FAM167A: variants seen among roughly 807,000 people sequenced by gnomAD.
FAM167A encodes protein FAM167A.
FAM167A carries 23 observed loss-of-function variants against 14.9 expected under a neutral mutation model. The observed-to-expected ratio is 1.55, with a 90% CI of 1.11 to 2.19. The LOEUF is 2.19. FAM167A is among the 30% of genes most tolerant of loss of function. The pLI is 0.00. For synonymous variants in FAM167A, 174 were observed against 117.7 expected, an observed-to-expected ratio of 1.48 and a Z score of -3.10; for missense variants, 401 against 281.5, an observed-to-expected ratio of 1.42 and a Z score of -3.04.
intron 1 of FAM167A, among the ~76,000 whole-genome samples, chr8:11,464,521 C>A (rs1433333931): frequency 1.3e-5 from 2 of 152,204 alleles, no homozygotes; most frequent in Non-Finnish European, 2.9e-5. Flanking sequence ...CTTTTCCTTC[C>A]TGTCTCCACA....
chr8:11,445,453 G>A, intron 1 of FAM167A: 1 of 985,880 alleles, frequency 1.0e-6, no homozygotes, highest in Non-Finnish European at 1.2e-6. Flanking sequence ...AAATAAACCT[G>A]CAGCTGTGGA....
intron 1 of FAM167A, chr8:11,445,376 TTACTCTACGCTCC>T: frequency 1.0e-6 from 1 of 986,092 alleles, no homozygotes. Flanking sequence ...CATCCAGGTC[TTACTCTACGCTCC>T]TAGCTTCTTC....
chr8:11,443,811 G>C, intron 2 of FAM167A: 1 of 576,402 alleles, frequency 1.7e-6, no homozygotes, highest in Non-Finnish European at 3.0e-6. Context: ...CTTCATTAGT[G>C]TCTGCAATTA....
At chr8:11,461,374 G>A (rs1807531421) in intron 1 of FAM167A, among the ~76,000 whole-genome samples, 2 of 152,272 alleles carry the variant, frequency 1.3e-5, no homozygotes. Context: ...ATGCCCAGAC[G>A]GGCTAAGGCA....
chr8:11,436,100 C>T (rs1805988588), intron 2 of FAM167A, among the ~76,000 whole-genome samples: 1 of 152,232 alleles, frequency 6.6e-6, no homozygotes, highest in Non-Finnish European at 1.5e-5. Context: ...TCGCTGACAA[C>T]TGTACTGCCT....
At chr8:11,453,996 G>C (rs1440717875) in intron 1 of FAM167A, among the ~76,000 whole-genome samples, 1 of 152,218 alleles carries the variant, frequency 6.6e-6, no homozygotes, top group Non-Finnish European at 1.5e-5. Flanking sequence ...TATCTGGCAG[G>C]ACTAGCTATC....
chr8:11,440,598 G>A (rs1318809910), intron 2 of FAM167A, among the ~76,000 whole-genome samples: 1 of 152,228 alleles, frequency 6.6e-6, no homozygotes, highest in East Asian at 1.9e-4. Context: ...TCCTGGGAGA[G>A]CTGCTAGGTG....
intron 1 of FAM167A, among the ~76,000 whole-genome samples, chr8:11,462,148 G>T (rs1303692070): frequency 6.6e-6 from 1 of 152,252 alleles, no homozygotes; most frequent in African/African-American, 2.4e-5. Flanking sequence ...AGCTTGCGCT[G>T]GAGGTACTTG....
At chr8:11,449,182 A>T (rs1405658319) in intron 1 of FAM167A, among the ~76,000 whole-genome samples, 1 of 152,240 alleles carries the variant, frequency 6.6e-6, no homozygotes, top group Non-Finnish European at 1.5e-5. Context: ...TTTGGGGAGC[A>T]CTGTCCCCCT....
chr8:11,469,983 A>C (rs1374564120), upstream of FAM167A, among the ~76,000 whole-genome samples: 1 of 152,260 alleles, frequency 6.6e-6, no homozygotes, highest in Non-Finnish European at 1.5e-5. Context: ...TCATCTGTTC[A>C]ATAAATACGT....
intron 1 of FAM167A, among the ~76,000 whole-genome samples, chr8:11,448,695 C>T (rs1314297337): frequency 6.6e-6 from 1 of 152,234 alleles, no homozygotes; most frequent in Non-Finnish European, 1.5e-5. Context: ...CTTACTAAAA[C>T]CATTCCATGC....
chr8:11,448,125 C>A (rs896159989), intron 1 of FAM167A, among the ~76,000 whole-genome samples: 12 of 150,556 alleles, frequency 8.0e-5, no homozygotes, highest in Non-Finnish European at 1.8e-4. Context: ...AACCAGGAGG[C>A]AGAGGTTGCA....
chr8:11,421,915 G>T lies in FAM167A; in HGVS notation c.*2458C>A, dbSNP rs766345117. On this transcript the variant is annotated 3_prime_UTR_variant, in exon 3 of 3. Transcript: ENST00000284486. ...AGGGACTTCACAAAGCTGAATTAAT[G>T]TGGTTAGTTGTGTTCACTGTGCAAA... The T allele has an allele frequency of 2.5e-6, 1 of 398,416 alleles. No homozygotes were observed. The highest frequency in any genetic ancestry group is 4.4e-6 in the Non-Finnish European group (1 of 226,034). The allele number at this position is 398,416 out of a possible 1,614,324, so 24.7% of individuals were successfully genotyped here. A position where few individuals can be genotyped will look rare whatever the true frequency, so the allele number is the denominator to read the frequency against.
intron 1 of FAM167A, among the ~76,000 whole-genome samples, chr8:11,473,075 A>G (rs1176271535): frequency 6.6e-6 from 1 of 152,224 alleles, no homozygotes; most frequent in Non-Finnish European, 1.5e-5. Flanking sequence ...GTGGCCCTTG[A>G]CCTGCAGGCA....
chr8:11,428,774 C>T (rs942705690), intron 2 of FAM167A, among the ~76,000 whole-genome samples: 1 of 152,184 alleles, frequency 6.6e-6, no homozygotes, highest in Non-Finnish European at 1.5e-5. Flanking sequence ...CTCGGCTGCT[C>T]CCTGGGCCAC....
chr8:11,462,189 C>T (rs1226445750), intron 1 of FAM167A, among the ~76,000 whole-genome samples: 1 of 152,196 alleles, frequency 6.6e-6, no homozygotes, highest in African/African-American at 2.4e-5. Context: ...TCACACCTCG[C>T]AGAGGAAAGG....
chr8:11,438,253 A>G (rs1474038652), intron 2 of FAM167A: 2 of 406,760 alleles, frequency 4.9e-6, no homozygotes, highest in Admixed American at 5.5e-5. Context: ...CTTCTCCTTG[A>G]CCCTGCAAGA....
At chr8:11,465,303 C>A (rs1320775834) in intron 1 of FAM167A, among the ~76,000 whole-genome samples, 4 of 152,132 alleles carry the variant, frequency 2.6e-5, no homozygotes, top group South Asian at 4.1e-4. Flanking sequence ...AAGCAGCCTT[C>A]GTCTGAGAGC....
rs1459394368 is a variant in FAM167A at position 11,444,181 on chromosome 8, C to A, written c.231G>T (p.Gly77=). The change falls in exon 2 of 3, where the codon GGG becomes GGT. Residue 77 remains glycine (G), a synonymous_variant. Coordinates refer to ENST00000284486, the MANE Select transcript of FAM167A (RefSeq NM_053279.3). The part of the protein sequence containing the change: ...PQASLEEGER[G]GQEPLLPLRE... Reference sequence around the variant, plus strand: ...TCAGGGGGAGCAAGGGCTCCTGCCCCCCACGCTCCCCCTCCTCCAAGCTCG... The same window carrying A: ...TCAGGGGGAGCAAGGGCTCCTGCCCACCACGCTCCCCCTCCTCCAAGCTCG... 1.2e-6 allele frequency: 2 copies of A among 1,612,994 alleles called. No homozygotes were observed. Among genetic ancestry groups the A allele is most frequent in the South Asian group, 2.2e-5 (2 of 91,024 alleles).
Sources: allele counts gnomAD v4.1 joint callset (sites outside exome capture counted in the v4.1 genomes callset), GRCh38; gene constraint gnomAD v4.1.1; transcripts MANE v1.5; gene names NCBI Gene and HGNC (gene_info 2026-07-23, HGNC 2026-07-21).